Variants in TMEM178A observed in about 807,000 individuals in gnomAD.
The protein encoded by TMEM178A is transmembrane protein 178A, also known as transmembrane protein 178.
Under a neutral mutation model 29.1 loss-of-function variants are expected in TMEM178A, and 12 were observed. That is an observed-to-expected ratio of 0.41 (90% confidence interval 0.26 to 0.67). TMEM178A has a LOEUF of 0.67. Among genes scored for constraint, TMEM178A ranks in the 30% least tolerant of loss-of-function variants. TMEM178A has a pLI of 0.29. For synonymous variants in TMEM178A, 210 were observed against 187.2 expected (o/e 1.12, Z -0.99); for missense variants, 366 against 419.1 (o/e 0.87, Z 1.11).
At chr2:39,711,526 A>G (rs1262794046) in intron 3 of TMEM178A, among the ~76,000 whole-genome samples, 1 of 152,188 alleles carries the variant, frequency 6.6e-6, no homozygotes, top group Admixed American at 6.5e-5. Context: ...ACACAGCATG[A>G]GACAGTCCCT....
chr2:39,682,651 T>G (rs1434853491), intron 1 of TMEM178A, among the ~76,000 whole-genome samples: 2 of 152,132 alleles, frequency 1.3e-5, no homozygotes, highest in Non-Finnish European at 2.9e-5. Context: ...CCTGGGGCCT[T>G]TGAGATATTT....
In TMEM178A at chr2:39,704,068, T is replaced by C; in HGVS notation, c.401-13T>C. 1.2e-6 allele frequency: 2 copies of C among 1,612,634 alleles called. No homozygotes were observed. Among genetic ancestry groups the C allele is most frequent in the Non-Finnish European group, 1.7e-6 (2 of 1,178,898 alleles). On this transcript the variant is annotated splice_polypyrimidine_tract_variant and intron_variant, in intron 1 of 3. Coordinates refer to ENST00000281961, the MANE Select transcript of TMEM178A (RefSeq NM_152390.3). ...AAGCAGACTCGTAAATCGCGTTTCTTATTTCCTTCAAGGTATTGCGCAGCG... is the reference window on the plus strand; with the variant it reads ...AAGCAGACTCGTAAATCGCGTTTCTCATTTCCTTCAAGGTATTGCGCAGCG...
intron 1 of TMEM178A, among the ~76,000 whole-genome samples, chr2:39,684,151 T>C (rs1558448622): frequency 6.6e-6 from 1 of 152,240 alleles, no homozygotes; most frequent in Non-Finnish European, 1.5e-5. Flanking sequence ...TTTTCTCCTC[T>C]GTGAACATAG....
the TMEM178A span, among the ~76,000 whole-genome samples, chr2:39,726,332 T>C: frequency 1.3e-5 from 2 of 152,112 alleles, no homozygotes; most frequent in African/African-American, 4.8e-5. Flanking sequence ...TCCTGAGGAA[T>C]GTCCAGGAAG....
chr2:39,688,693 T>A (rs1462969945), intron 1 of TMEM178A, among the ~76,000 whole-genome samples: 2 of 152,258 alleles, frequency 1.3e-5, no homozygotes, highest in Non-Finnish European at 2.9e-5. Context: ...TTAACTTTGA[T>A]TATTGCTTAG....
chr2:39,670,948 CAG>C (rs1346553387), intron 1 of TMEM178A, among the ~76,000 whole-genome samples: 2 of 151,948 alleles, frequency 1.3e-5, no homozygotes, highest in Non-Finnish European at 2.9e-5. Flanking sequence ...GCAATAAAAA[CAG>C]AAAATTAATG....
the TMEM178A span, among the ~76,000 whole-genome samples, chr2:39,725,593 A>G: frequency 6.6e-6 from 1 of 152,154 alleles, no homozygotes; most frequent in South Asian, 2.1e-4. Context: ...TTGGCAGATG[A>G]CCATGAAAAG....
At chr2:39,707,314 C>A in intron 3 of TMEM178A, 128 bp downstream of exon 3, 1 of 1,188,900 alleles carries the variant, frequency 8.4e-7, no homozygotes, top group Middle Eastern at 3.0e-4. Context: ...ACCAGAAGGT[C>A]ATTTTGGCTT....
At chr2:39,665,744 A>T (rs1670113332), upstream of TMEM178A, 1 of 279,604 alleles carries the variant, frequency 3.6e-6, no homozygotes, top group South Asian at 2.3e-4. Context: ...GGCGCGGGGG[A>T]GGGCTAGGAG....
chr2:39,674,454 A>G (rs887706505), intron 1 of TMEM178A, among the ~76,000 whole-genome samples: 2 of 152,216 alleles, frequency 1.3e-5, no homozygotes, highest in Non-Finnish European at 2.9e-5. Context: ...GATCATTGGG[A>G]GCTAAGCTAT....
intron 1 of TMEM178A, among the ~76,000 whole-genome samples, chr2:39,692,967 A>C (rs980982626): frequency 3.9e-5 from 6 of 152,176 alleles, no homozygotes; most frequent in African/African-American, 1.4e-4. Context: ...TTACAATTTA[A>C]AGTTACATTC....
At chr2:39,694,812 A>G (rs990865520) in intron 1 of TMEM178A, among the ~76,000 whole-genome samples, 2 of 152,216 alleles carry the variant, frequency 1.3e-5, no homozygotes, top group African/African-American at 4.8e-5. Context: ...AACATTTAAA[A>G]TTCTTACAAT....
the TMEM178A span, among the ~76,000 whole-genome samples, chr2:39,734,731 C>G: frequency 6.6e-6 from 1 of 152,206 alleles, no homozygotes; most frequent in Non-Finnish European, 1.5e-5. Flanking sequence ...AACAGAATTT[C>G]TGATATTTCT....
the TMEM178A span, among the ~76,000 whole-genome samples, chr2:39,732,792 G>C: frequency 6.6e-6 from 1 of 152,136 alleles, no homozygotes; most frequent in Admixed American, 6.5e-5. Flanking sequence ...TAGGGCTGGT[G>C]CAAGTAGAGA....
At chr2:39,728,993 G>A in the TMEM178A span, among the ~76,000 whole-genome samples, 1 of 152,054 alleles carries the variant, frequency 6.6e-6, no homozygotes, top group Non-Finnish European at 1.5e-5. Flanking sequence ...GAGCCTGCAG[G>A]GCAGGAGAGT....
rs563663058 is a variant in TMEM178A at position 39,705,352 on chromosome 2, T to C, written c.514+1158T>C. On this transcript the variant is annotated intron_variant, in intron 2 of 3. Transcript: ENST00000281961. ...ATGACTGGTACTAATGCAAATCCCATGTGGATTATATCTGAACCTTGTGCC... is the reference window on the plus strand; with the variant it reads ...ATGACTGGTACTAATGCAAATCCCACGTGGATTATATCTGAACCTTGTGCC... Among the ~76,000 whole-genome samples, 10 of 152,328 alleles carry C rather than the reference T, an allele frequency of 6.6e-5. No homozygotes were observed. The South Asian group carries it at 1.0e-3, about 16-fold the overall frequency.
chr2:39,708,408 G>GTT (rs1672135700), intron 3 of TMEM178A, among the ~76,000 whole-genome samples: 2 of 108,518 alleles, frequency 1.8e-5, no homozygotes, highest in Non-Finnish European at 3.8e-5. Flanking sequence ...GGAGTGACTT[G>GTT]ATTTTTTTTT....
intron 1 of TMEM178A, among the ~76,000 whole-genome samples, chr2:39,698,356 G>A (rs891074032): frequency 6.6e-6 from 1 of 152,100 alleles, no homozygotes; most frequent in African/African-American, 2.4e-5. Flanking sequence ...TAGCTCACAG[G>A]GTTGTTGATG....
chr2:39,680,888 A>C (rs1670841877), intron 1 of TMEM178A, among the ~76,000 whole-genome samples: 1 of 152,182 alleles, frequency 6.6e-6, no homozygotes, highest in Non-Finnish European at 1.5e-5. Flanking sequence ...AAAGTTTTAG[A>C]TAGTGCTTTT....
Sources: gnomAD v4.1 joint callset for allele counts (sites outside exome capture counted in the v4.1 genomes callset) on GRCh38, gnomAD v4.1.1 for gene constraint, MANE v1.5 for transcripts, NCBI Gene and HGNC (gene_info 2026-07-23, HGNC 2026-07-21) for gene names.